The following ABTB2 variants were observed in gnomAD, a reference collection of about 807,000 sequenced individuals.
ABTB2 encodes the protein ankyrin repeat and BTB/POZ domain-containing protein 2.
Under a neutral mutation model 104.1 loss-of-function variants are expected in ABTB2, and 56 were observed. That is an observed-to-expected ratio of 0.54 (90% CI 0.43 to 0.67). The LOEUF (loss-of-function observed/expected upper bound fraction) is 0.67. Among genes scored for constraint, ABTB2 ranks in the 30% least tolerant of loss-of-function variants. The pLI is 0.00. For synonymous variants in ABTB2, 606 were observed against 608.2 expected, an observed-to-expected ratio of 1.00 and a Z score of 0.05; for missense variants, 1,279 against 1,407.7, an observed-to-expected ratio of 0.91 and a Z score of 1.46.
chr11:34,321,983 A>G (rs375083272), intron 1 of ABTB2, among the ~76,000 whole-genome samples: 103 of 152,280 alleles, frequency 6.8e-4, no homozygotes, highest in Non-Finnish European at 1.2e-3. Context: ...TGCTTCTGAC[A>G]CCGAAAGAGC....
intron 1 of ABTB2, among the ~76,000 whole-genome samples, chr11:34,268,807 C>T (rs1011320490): frequency 2.0e-5 from 3 of 152,334 alleles, no homozygotes; most frequent in East Asian, 3.9e-4. Flanking sequence ...CAGCCCTCCA[C>T]ATCCCATGCA....
chr11:34,333,056 G>A (rs1855151605), intron 1 of ABTB2, among the ~76,000 whole-genome samples: 1 of 152,194 alleles, frequency 6.6e-6, no homozygotes, highest in African/African-American at 2.4e-5. Context: ...TTTCTCGAAT[G>A]ATTTTACATG....
intron 1 of ABTB2, among the ~76,000 whole-genome samples, chr11:34,223,070 A>G (rs1262883300): frequency 1.3e-5 from 2 of 152,172 alleles, no homozygotes; most frequent in Admixed American, 1.3e-4. Context: ...ACAAACTCCT[A>G]CTTACAGTCT....
In ABTB2 at chr11:34,357,393, C is replaced by A. The variant is rs1421791969; in HGVS notation, c.191G>T (p.Arg64Leu). 1.3e-6 allele frequency: 2 copies of A among 1,544,832 alleles called. No individual in the cohort carries two copies. The highest frequency in any genetic ancestry group is 2.5e-5 in the East Asian group (1 of 40,748). Residue 64 changes from arginine to leucine, a missense_variant, in exon 1 of 17, where the codon CGC (arginine) becomes CTC (leucine). Transcript: ENST00000435224. ...WWCYSGSMNS[R>L]HNSWDTVNTV... ...GTTCACCGTGTCCCAGCTGTTGTGG[C>A]GGCTGTTCATGGAGCCGGAGTAGCA...
intron 1 of ABTB2, among the ~76,000 whole-genome samples, chr11:34,248,137 G>A (rs1216164103): frequency 9.3e-6 from 1 of 107,684 alleles, no homozygotes; most frequent in Non-Finnish European, 1.8e-5. Flanking sequence ...GTCTTGCCCT[G>A]TCACCCAGGC....
At chr11:34,241,304 A>G (rs1853912869) in intron 1 of ABTB2, among the ~76,000 whole-genome samples, 1 of 152,318 alleles carries the variant, frequency 6.6e-6, no homozygotes, top group East Asian at 1.9e-4. Flanking sequence ...GGAGAATGTC[A>G]TTAAACATCC....
intron 16 of ABTB2, among the ~76,000 whole-genome samples, chr11:34,153,026 G>A (rs766163356): frequency 9.2e-5 from 14 of 152,050 alleles, no homozygotes; most frequent in African/African-American, 1.5e-4. Flanking sequence ...GTCCTAGTTT[G>A]GGAGAGACAG....
chr11:34,326,629 C>CA (rs35018448), intron 1 of ABTB2, among the ~76,000 whole-genome samples: 39,414 of 102,100 alleles, frequency 0.39, 5,832 homozygotes, highest in East Asian at 0.5. Flanking sequence ...GACCCTGTCT[C>CA]AAAAAAAAAA....
At chr11:34,235,482 T>C (rs1853829321) in intron 1 of ABTB2, among the ~76,000 whole-genome samples, 1 of 152,204 alleles carries the variant, frequency 6.6e-6, no homozygotes, top group African/African-American at 2.4e-5. Flanking sequence ...CTCTCTCTGT[T>C]ATCCTCAGAG....
intron 1 of ABTB2, among the ~76,000 whole-genome samples, chr11:34,211,039 A>G (rs1164522278): frequency 2.0e-5 from 3 of 152,226 alleles, no homozygotes; most frequent in Admixed American, 2.0e-4. Flanking sequence ...ATGCCAGAAC[A>G]AAGTGTAGAA....
At chr11:34,316,919 C>T (rs1353012885) in intron 1 of ABTB2, among the ~76,000 whole-genome samples, 3 of 152,114 alleles carry the variant, frequency 2.0e-5, no homozygotes, top group African/African-American at 4.8e-5. Context: ...CTGGGGAAGC[C>T]CGGGAGGCAC....
chr11:34,272,390 T>C (rs1214604519), intron 1 of ABTB2, among the ~76,000 whole-genome samples: 1 of 147,036 alleles, frequency 6.8e-6, no homozygotes, highest in African/African-American at 2.5e-5. Context: ...ACAATTAGAG[T>C]ATAATAGCAA....
chr11:34,292,472 A>G (rs540480419), intron 1 of ABTB2, among the ~76,000 whole-genome samples: 3 of 151,540 alleles, frequency 2.0e-5, no homozygotes, highest in African/African-American at 7.3e-5. Context: ...ACTGGTCTCT[A>G]CTGTGGTCCG....
chr11:34,154,569 G>T lies in ABTB2; in HGVS notation c.2766+132C>A, dbSNP rs549590111. The T allele has an allele frequency of 2.0e-4, 200 of 985,096 alleles. 1 individual carries two copies. Among genetic ancestry groups the T allele is most frequent in the South Asian group, 1.3e-3 (90 of 67,788 alleles). The allele number at this position is 985,096 out of a possible 1,614,324, so 61.0% of individuals were successfully genotyped here. ...GAGGCTGGGCTCAGTGGTGTGCACA[G>T]TTCCTCTTTCTGGGAACTGCTCTTC... On this transcript the variant is annotated intron_variant, in intron 15 of 16. Coordinates refer to ENST00000435224, the MANE Select transcript of ABTB2 (RefSeq NM_145804.3). The surrounding 1 kb of genome is among the most constrained non-coding windows in gnomAD (Gnocchi z 4.9).
chr11:34,346,188 G>A (rs1169164440), intron 1 of ABTB2, among the ~76,000 whole-genome samples: 4 of 152,188 alleles, frequency 2.6e-5, no homozygotes, highest in African/African-American at 9.7e-5. Context: ...AAAATATCCT[G>A]CTGGATTATA....
At chr11:34,314,471 A>G (rs1854900282) in intron 1 of ABTB2, among the ~76,000 whole-genome samples, 1 of 152,208 alleles carries the variant, frequency 6.6e-6, no homozygotes, top group Non-Finnish European at 1.5e-5. Flanking sequence ...AATGACTAGA[A>G]AAGTCAAATA....
chr11:34,192,666 C>T (rs537095779), intron 3 of ABTB2, among the ~76,000 whole-genome samples: 39 of 152,234 alleles, frequency 2.6e-4, no homozygotes, highest in Non-Finnish European at 5.3e-4. Flanking sequence ...GCTTAGCAAG[C>T]GGACCGCTCT....
intron 1 of ABTB2, chr11:34,335,221 G>C: frequency 7.9e-7 from 1 of 1,270,134 alleles, no homozygotes; most frequent in South Asian, 1.2e-5. Flanking sequence ...ATCACTTTAA[G>C]CATCGAAGGT....
intron 1 of ABTB2, among the ~76,000 whole-genome samples, chr11:34,347,445 A>G (rs2133127081): frequency 6.6e-6 from 1 of 152,316 alleles, no homozygotes; most frequent in East Asian, 1.9e-4. Context: ...CAAAAAAATA[A>G]TAATAAAAAT....
Sources: allele counts gnomAD v4.1 joint callset (sites outside exome capture counted in the v4.1 genomes callset), GRCh38; gene constraint gnomAD v4.1.1; non-coding constraint Gnocchi (gnomAD v3.1); transcripts MANE v1.5; gene names NCBI Gene and HGNC (gene_info 2026-07-23, HGNC 2026-07-21).